The following PCDHGA10 variants were observed in gnomAD, a reference collection of about 807,000 sequenced individuals.
The protein encoded by PCDHGA10 is protocadherin gamma subfamily A, 10.
PCDHGA10 carries 42 observed loss-of-function variants against 59.5 expected under a neutral mutation model. The ratio of observed to expected loss-of-function variants is 0.71; its 90% CI spans 0.55 to 0.91. The LOEUF (loss-of-function observed/expected upper bound fraction) is 0.91, where lower values mean the gene tolerates loss of function less well. Among genes scored for constraint, PCDHGA10 ranks in the 40% least tolerant of loss-of-function variants. The pLI is 0.00. For synonymous variants in PCDHGA10, 511 were observed against 517.2 expected (o/e 0.99, Z 0.16); for missense variants, 1,111 against 1,198.2 (o/e 0.93, Z 1.07).
At position 141,476,591 on chromosome 5, in the gene PCDHGA10, G is replaced by C. The variant is rs200254399; in HGVS notation, c.2437-18216G>C. The C allele has an allele frequency of 6.2e-7, 1 of 1,614,230 alleles. No homozygotes were observed. Among genetic ancestry groups the C allele is most frequent in the East Asian group, 2.2e-5 (1 of 44,870 alleles). On this transcript the variant is annotated intron_variant, in intron 1 of 3. Coordinates refer to ENST00000398610, the MANE Select transcript of PCDHGA10 (RefSeq NM_018913.3). This position sits in a 1 kb window ranked among gnomAD's most constrained non-coding sequence, Gnocchi z 7.6. ...GGGGACGCGCTTTCCGCTCGAGAGCGCGCACGATCCCGATGTGGGAAGCAA... is the reference window on the plus strand; with the variant it reads ...GGGGACGCGCTTTCCGCTCGAGAGCCCGCACGATCCCGATGTGGGAAGCAA...
chr5:141,456,773 G>A (rs1178932462), intron 1 of PCDHGA10, among the ~76,000 whole-genome samples: 6 of 151,980 alleles, frequency 3.9e-5, no homozygotes, highest in African/African-American at 1.2e-4. Context: ...GACCAGCCTG[G>A]CCTACATGGC....
chr5:141,413,639 GT>G lies in PCDHGA10; in HGVS notation c.468del (p.Pro157LeufsTer12). ...AATGAAAATGTCGCTGCGGGAATGC[GT>G]TTTCCTCTCCCGGAAGCTATTGATC... ...KINENVAAGM[R>X]FPLPEAIDPD... On this transcript the variant is annotated frameshift_variant, in exon 1 of 4. Transcript: ENST00000398610. LOFTEE classifies it high-confidence loss of function. The G allele has an allele frequency of 6.2e-7, 1 of 1,613,854 alleles. No individual in the cohort carries two copies. The highest frequency in any genetic ancestry group is 1.1e-5 in the South Asian group (1 of 91,084).
At position 141,512,348 on chromosome 5, in the gene PCDHGA10, G is replaced by C. The variant is rs1172891268; in HGVS notation, c.*1175G>C. 4 of 152,886 alleles carry C rather than the reference G, an allele frequency of 2.6e-5. No homozygotes were observed. The highest frequency in any genetic ancestry group is 9.6e-5 in the African/African-American group (4 of 41,462). The allele number at this position is 152,886 out of a possible 1,614,324, so 9.5% of individuals were successfully genotyped here. A position where few individuals can be genotyped will look rare whatever the true frequency, so the allele number is the denominator to read the frequency against. ...GGCCATTCTTAGTCCCTGGGTTGGG[G>C]AGGCAGGGAGCTAGGGCAGGGACCA... On this transcript the variant is annotated 3_prime_UTR_variant, in exon 4 of 4. Transcript: ENST00000398610.
In PCDHGA10 at chr5:141,476,477, G is replaced by T. The variant is rs768824553; in HGVS notation, c.2437-18330G>T. The T allele has an allele frequency of 1.9e-6, 3 of 1,614,078 alleles. No homozygotes were observed. The highest frequency in any genetic ancestry group is 1.7e-5 in the Admixed American group (1 of 60,016). Reference sequence around the variant, plus strand: ...GGAGAACCCGCTGGAGCTGTTCAGCGTGGAAGTGGTGATCCAGGACATCAA... The same window carrying T: ...GGAGAACCCGCTGGAGCTGTTCAGCTTGGAAGTGGTGATCCAGGACATCAA... On this transcript the variant is annotated intron_variant, in intron 1 of 3. Coordinates refer to ENST00000398610, the MANE Select transcript of PCDHGA10 (RefSeq NM_018913.3). This position sits in a 1 kb window ranked among gnomAD's most constrained non-coding sequence, Gnocchi z 7.6.
intron 2 of PCDHGA10, among the ~76,000 whole-genome samples, chr5:141,498,994 AAGGAAGGAAGG>A (rs2099788184): frequency 2.0e-5 from 3 of 148,560 alleles, no homozygotes; most frequent in Non-Finnish European, 4.5e-5. Flanking sequence ...GGAAGGAAGG[AAGGAAGGAAGG>A]AAGGAAGGAA....
In PCDHGA10 at chr5:141,486,853, C is replaced by T. The variant is rs1401626024; in HGVS notation, c.2437-7954C>T. The stretch of plus-strand genomic sequence containing the variant: ...GTCTATTTGTGCTGGACCTCAATGA[C>T]AATGCTCCAGCTGTGCTCCGTCCTC... On this transcript the variant is annotated intron_variant, in intron 1 of 3. Coordinates refer to ENST00000398610, the MANE Select transcript of PCDHGA10 (RefSeq NM_018913.3). This position sits in a 1 kb window ranked among gnomAD's most constrained non-coding sequence, Gnocchi z 5.0. 6.2e-7 allele frequency: 1 copy of T among 1,614,244 alleles called. No individual in the cohort carries two copies. The highest frequency in any genetic ancestry group is 2.2e-5 in the East Asian group (1 of 44,886).
At chr5:141,505,154 C>T (rs1443235547) in intron 2 of PCDHGA10, among the ~76,000 whole-genome samples, 2 of 152,028 alleles carry the variant, frequency 1.3e-5, no homozygotes, top group Non-Finnish European at 2.9e-5. Flanking sequence ...AGAGTAAGAC[C>T]CTGTCTAAAA....
chr5:141,450,278 G>C (rs977381598), intron 1 of PCDHGA10, among the ~76,000 whole-genome samples: 1 of 152,026 alleles, frequency 6.6e-6, no homozygotes, highest in African/African-American at 2.4e-5. Flanking sequence ...TCAGCTAAGT[G>C]CTGGGATTAC....
chr5:141,507,915 G>A (rs1324577269), intron 3 of PCDHGA10, among the ~76,000 whole-genome samples: 2 of 152,224 alleles, frequency 1.3e-5, no homozygotes, highest in African/African-American at 4.8e-5. Flanking sequence ...AGCCAGGCCT[G>A]TGGGGCTGCT....
At chr5:141,484,135 A>G (rs181630887) in intron 1 of PCDHGA10, among the ~76,000 whole-genome samples, 6 of 152,270 alleles carry the variant, frequency 3.9e-5, no homozygotes, top group Admixed American at 1.3e-4. Flanking sequence ...GTGTCAGATA[A>G]AGGGAATTTG....
In PCDHGA10 at chr5:141,415,574, A is replaced by G. The variant is rs1168111069; in HGVS notation, c.2399A>G (p.Asp800Gly). The change falls in exon 1 of 4, where the codon GAT becomes GGT. Residue 800 changes from aspartate (D) to glycine (G), a missense_variant. Physicochemically the swap from Asp to Gly is moderately conservative, Grantham distance 94. Transcript: ENST00000398610. ...EKNDPLSLLD[D>G]SKFPIEDTPL... ...AACGATCCTTTGTCTTTGTTAGATGATTCGAAGTTTCCTATAGAGGATACC... is the reference window on the plus strand; with the variant it reads ...AACGATCCTTTGTCTTTGTTAGATGGTTCGAAGTTTCCTATAGAGGATACC... 3 of 1,614,066 alleles carry G rather than the reference A, an allele frequency of 1.9e-6. No homozygotes were observed. The highest frequency in any genetic ancestry group is 8.5e-7 in the Non-Finnish European group (1 of 1,180,012).
At chr5:141,418,484 C>T (rs771278923) in intron 1 of PCDHGA10, 1 of 1,613,878 alleles carries the variant, frequency 6.2e-7, no homozygotes, top group East Asian at 2.2e-5. Flanking sequence ...GAGCGCTCAC[C>T]ACTTGGTACT....
intron 1 of PCDHGA10, chr5:141,430,905 C>T: frequency 6.2e-7 from 1 of 1,606,922 alleles, no homozygotes; most frequent in Non-Finnish European, 8.5e-7. Context: ...GGCGACATCT[C>T]CAGGGACCTG....
intron 1 of PCDHGA10, 134 bp from the exon 2 acceptor site, chr5:141,494,673 C>G: frequency 4.5e-6 from 7 of 1,542,992 alleles, no homozygotes; most frequent in Non-Finnish European, 6.1e-6. Flanking sequence ...GATGAGTCCA[C>G]CCCTGCCCCC....
intron 1 of PCDHGA10, among the ~76,000 whole-genome samples, chr5:141,483,553 C>G (rs955671854): frequency 2.0e-5 from 3 of 152,230 alleles, no homozygotes; most frequent in Admixed American, 2.0e-4. Context: ...CAGTGCCATT[C>G]ACAGAGACAG....
chr5:141,423,241 G>A (rs1485226833), intron 1 of PCDHGA10: 19 of 1,613,954 alleles, frequency 1.2e-5, no homozygotes, highest in Non-Finnish European at 1.4e-5. Flanking sequence ...CATCCCCGAA[G>A]TCCTGGCGGA....
intron 1 of PCDHGA10, among the ~76,000 whole-genome samples, chr5:141,444,735 C>A (rs924159168): frequency 1.3e-5 from 2 of 152,116 alleles, no homozygotes; most frequent in Admixed American, 1.3e-4. Context: ...TGTTGAAAGT[C>A]ATTTCACTGA....
Position 141,491,349 on chromosome 5 carries a change from C to G in PCDHGA10, c.2437-3458C>G. 6.2e-7 allele frequency: 1 copy of G among 1,614,168 alleles called. No individual in the cohort carries two copies. Among genetic ancestry groups the G allele is most frequent in the Non-Finnish European group, 8.5e-7 (1 of 1,180,016 alleles). ...TTGTGGCTCTAGCGACCGTCAGTCT[C>G]TTATCCCTAGTCACCTTCACCTTTC... is the stretch of plus-strand genomic sequence containing the variant. On this transcript the variant is annotated intron_variant, in intron 1 of 3. Transcript: ENST00000398610. The surrounding 1 kb of genome is among the most constrained non-coding windows in gnomAD (Gnocchi z 6.9).
At chr5:141,419,371 C>T (rs751971270) in intron 1 of PCDHGA10, 4 of 1,613,662 alleles carry the variant, frequency 2.5e-6, no homozygotes, top group Non-Finnish European at 8.5e-7. Flanking sequence ...TGTCGTCCTA[C>T]GTGTCCGTGA....
Sources: gnomAD v4.1 joint callset for allele counts (sites outside exome capture counted in the v4.1 genomes callset) on GRCh38, gnomAD v4.1.1 for gene constraint, Gnocchi (gnomAD v3.1) non-coding constraint, MANE v1.5 for transcripts, NCBI Gene and HGNC (gene_info 2026-07-23, HGNC 2026-07-21) for gene names.